Variants in PPFIA1 observed in about 807,000 individuals in gnomAD.
PPFIA1 encodes liprin-alpha-1.
Under a neutral mutation model 149.9 loss-of-function variants are expected in PPFIA1, and 25 were observed. The observed-to-expected ratio is 0.17, with a 90% CI of 0.12 to 0.23. The LOEUF (loss-of-function observed/expected upper bound fraction) is 0.23. Among genes scored for constraint, PPFIA1 ranks in the 10% least tolerant of loss-of-function variants. The probability of loss-of-function intolerance (pLI) is 1.00; values close to 1 mark genes in which losing one functional copy is unlikely to be tolerated. For missense variants in PPFIA1, 1,362 were observed against 1,506.5 expected, an observed-to-expected ratio of 0.90 and a Z score of 1.59; for synonymous variants, 549 against 552.8, an observed-to-expected ratio of 0.99 and a Z score of 0.10.
At chr11:70,271,179 C>G (rs2050055912) in intron 1 of PPFIA1, 1 of 151,550 alleles carries the variant, frequency 6.6e-6, no homozygotes, top group African/African-American at 2.4e-5. Flanking sequence ...GGGGCGGGGA[C>G]CTGTGGCCGC....
chr11:70,362,418 T>A lies in PPFIA1; in HGVS notation c.2795T>A (p.Leu932Gln). Residue 932 changes from leucine (L) to glutamine (Q), a missense_variant, in exon 21 of 28, where the codon CTG becomes CAG. By Grantham distance (113) the Leu-to-Gln change is moderately radical. Around this residue, in one of 7 missense-constraint regions of PPFIA1, gnomAD observed 349 missense variants for 373.3 expected, o/e 0.93. Coordinates refer to ENST00000253925, the MANE Select transcript of PPFIA1 (RefSeq NM_003626.5). Reference sequence around the variant, plus strand: ...GGCATCAGCAACCCCCTGCACAGGCTGAAGCTGAGGCTGGCCATCCAGGAG... The same window carrying A: ...GGCATCAGCAACCCCCTGCACAGGCAGAAGCTGAGGCTGGCCATCCAGGAG... ...EIGISNPLHR[L>Q]KLRLAIQEIM... 1 of 1,614,186 alleles carries A rather than the reference T, an allele frequency of 6.2e-7. No individual in the cohort carries two copies. The highest frequency in any genetic ancestry group is 8.5e-7 in the Non-Finnish European group (1 of 1,180,020).
At chr11:70,380,879 G>T (rs966272318) in intron 26 of PPFIA1, among the ~76,000 whole-genome samples, 2 of 151,994 alleles carry the variant, frequency 1.3e-5, no homozygotes, top group Non-Finnish European at 2.9e-5. Context: ...TGTTGCCCAG[G>T]TTGGAGTGCA....
intron 2 of PPFIA1, among the ~76,000 whole-genome samples, chr11:70,289,905 T>A (rs2051409925): frequency 6.6e-6 from 1 of 152,196 alleles, no homozygotes; most frequent in South Asian, 2.1e-4. Flanking sequence ...AGCAAGACCC[T>A]GTCTCTCAAA....
intron 2 of PPFIA1, among the ~76,000 whole-genome samples, chr11:70,279,534 C>A (rs1277074659): frequency 6.6e-6 from 1 of 151,116 alleles, no homozygotes; most frequent in Non-Finnish European, 1.5e-5. Context: ...CTATTTTCCA[C>A]TCATCTTCAC....
intron 21 of PPFIA1, among the ~76,000 whole-genome samples, chr11:70,366,930 T>C (rs1036361110): frequency 6.6e-6 from 1 of 152,174 alleles, no homozygotes; most frequent in Non-Finnish European, 1.5e-5. Context: ...GATTTAAGCA[T>C]TCTGTGCCTC....
intron 16 of PPFIA1, chr11:70,351,164 C>T: frequency 3.2e-6 from 1 of 310,482 alleles, no homozygotes; most frequent in Non-Finnish European, 5.1e-6. Context: ...TTAAAGTGAC[C>T]TAGCACCTTA....
Position 70,278,366 on chromosome 11 carries a change from G to A in PPFIA1, c.264+5930G>A, listed in dbSNP as rs145518749. Among the ~76,000 whole-genome samples the A allele has an allele frequency of 2.9e-3, 438 of 152,256 alleles. 4 individuals carry two copies. The highest frequency in any genetic ancestry group is 9.9e-3 in the African/African-American group (413 of 41,562). ...TCAGTTTTGAAGGATGATTTTGCTGGGTATAGAATACTGGGATCGTGGTCA... is the reference window on the plus strand; with the variant it reads ...TCAGTTTTGAAGGATGATTTTGCTGAGTATAGAATACTGGGATCGTGGTCA... On this transcript the variant is annotated intron_variant, in intron 2 of 27. Coordinates refer to ENST00000253925, the MANE Select transcript of PPFIA1 (RefSeq NM_003626.5).
At chr11:70,283,527 G>A (rs2050903551) in intron 2 of PPFIA1, among the ~76,000 whole-genome samples, 1 of 152,164 alleles carries the variant, frequency 6.6e-6, no homozygotes, top group Non-Finnish European at 1.5e-5. Flanking sequence ...CCCTGTCAAA[G>A]TGATGGGTGA....
At chr11:70,332,724 G>A (rs1038679366) in intron 9 of PPFIA1, among the ~76,000 whole-genome samples, 10 of 152,168 alleles carry the variant, frequency 6.6e-5, no homozygotes, top group African/African-American at 9.6e-5. Context: ...GCGCATCACC[G>A]GGCACAAACC....
intron 2 of PPFIA1, among the ~76,000 whole-genome samples, chr11:70,285,093 G>A (rs576583478): frequency 6.6e-6 from 1 of 152,068 alleles, no homozygotes; most frequent in African/African-American, 2.4e-5. Context: ...TGCAACCTCT[G>A]CCTCACAGGT....
intron 2 of PPFIA1, among the ~76,000 whole-genome samples, chr11:70,296,939 G>A (rs764602114): frequency 2.4e-4 from 36 of 152,164 alleles, no homozygotes; most frequent in Non-Finnish European, 4.9e-4. Context: ...TCACAGACTC[G>A]TGGTGAAGAT....
intron 19 of PPFIA1, among the ~76,000 whole-genome samples, chr11:70,356,462 T>G (rs17160811): frequency 0.021 from 3,265 of 152,286 alleles, 116 homozygotes; most frequent in African/African-American, 0.073. Context: ...CCTATCATCT[T>G]GGAAAGCTGT....
intron 16 of PPFIA1, among the ~76,000 whole-genome samples, chr11:70,349,079 G>A (rs939824325): frequency 6.7e-6 from 1 of 148,350 alleles, no homozygotes; most frequent in Non-Finnish European, 1.5e-5. Context: ...CACAAAGTGG[G>A]TCAGTGCATT....
intron 14 of PPFIA1, among the ~76,000 whole-genome samples, chr11:70,342,301 A>G (rs2055382489): frequency 6.6e-6 from 1 of 152,108 alleles, no homozygotes; most frequent in Admixed American, 6.5e-5. Context: ...AGGAAGGCCG[A>G]GTGCAGGCCT....
At chr11:70,279,798 A>C in intron 2 of PPFIA1, among the ~76,000 whole-genome samples, 1 of 146,054 alleles carries the variant, frequency 6.8e-6, no homozygotes, top group South Asian at 2.1e-4. Context: ...TCTGTTGCCC[A>C]GGGTGGTCTT....
At chr11:70,381,170 T>C (rs976723906) in intron 26 of PPFIA1, 1 of 152,108 alleles carries the variant, frequency 6.6e-6, no homozygotes, top group Non-Finnish European at 1.5e-5. Flanking sequence ...CCCAGGTTCT[T>C]AAGAGTCAGA....
chr11:70,278,667 A>G (rs1451802763), intron 2 of PPFIA1, among the ~76,000 whole-genome samples: 1 of 152,252 alleles, frequency 6.6e-6, no homozygotes, highest in African/African-American at 2.4e-5. Context: ...GAAAACAGTC[A>G]ACTCAATCAA....
At chr11:70,378,370 T>G in intron 26 of PPFIA1, 175 bp downstream of exon 26, 1 of 1,305,270 alleles carries the variant, frequency 7.7e-7, no homozygotes, top group Non-Finnish European at 9.7e-7. Flanking sequence ...TTATAAAAGT[T>G]TAACCATAAT....
At chr11:70,371,025 C>T (rs556085911) in intron 21 of PPFIA1, among the ~76,000 whole-genome samples, 60 of 152,066 alleles carry the variant, frequency 3.9e-4, no homozygotes, top group South Asian at 2.1e-4. Context: ...CCCAGATACT[C>T]GGGAGGCTGA....
Sources: gnomAD v4.1 joint callset for allele counts (sites outside exome capture counted in the v4.1 genomes callset) on GRCh38, gnomAD v4.1.1 for gene constraint, gnomAD v4.1.1 regional missense constraint, MANE v1.5 for transcripts, NCBI Gene and HGNC (gene_info 2026-07-23, HGNC 2026-07-21) for gene names.